The following SCTR variants were observed in gnomAD, a reference collection of about 807,000 sequenced individuals.
SCTR encodes the protein pancreatic secretin receptor.
Under a neutral mutation model 60.8 loss-of-function variants are expected in SCTR, and 56 were observed. The observed-to-expected ratio is 0.92, with a 90% CI of 0.74 to 1.15. The LOEUF (loss-of-function observed/expected upper bound fraction) is 1.15. SCTR is among the 50% of genes most tolerant of loss of function. The pLI, the probability that SCTR is intolerant of heterozygous loss-of-function variation, is 0.00. For synonymous variants in SCTR, 202 were observed against 217.0 expected (o/e 0.93, Z 0.61); for missense variants, 562 against 550.4 (o/e 1.02, Z -0.21).
At chr2:119,460,497 T>A (rs1362089785) in intron 7 of SCTR, among the ~76,000 whole-genome samples, 1 of 151,812 alleles carries the variant, frequency 6.6e-6, no homozygotes, top group Non-Finnish European at 1.5e-5. Context: ...AGGGTAAAAG[T>A]TAAAGGGCTT....
chr2:119,507,615 G>T (rs1358786111), intron 1 of SCTR, among the ~76,000 whole-genome samples: 3 of 150,722 alleles, frequency 2.0e-5, no homozygotes, highest in African/African-American at 7.3e-5. Flanking sequence ...TTTGCTATGG[G>T]TGTCATATAT....
intron 1 of SCTR, among the ~76,000 whole-genome samples, chr2:119,508,275 A>G (rs1187720964): frequency 6.6e-6 from 1 of 152,140 alleles, no homozygotes; most frequent in Non-Finnish European, 1.5e-5. Context: ...TGCTGGACTA[A>G]GAGGACTAAA....
At chr2:119,515,704 G>C (rs1232528289) in intron 1 of SCTR, among the ~76,000 whole-genome samples, 1 of 152,170 alleles carries the variant, frequency 6.6e-6, no homozygotes. Flanking sequence ...CAGGACTCTA[G>C]CTTCTGACTG....
intron 7 of SCTR, among the ~76,000 whole-genome samples, chr2:119,459,072 T>C (rs983540344): frequency 1.3e-5 from 2 of 152,220 alleles, no homozygotes; most frequent in African/African-American, 4.8e-5. Context: ...CACTCAGGAA[T>C]CCATATCCTG....
At chr2:119,449,489 T>C (rs1036874453) in intron 9 of SCTR, among the ~76,000 whole-genome samples, 1 of 152,148 alleles carries the variant, frequency 6.6e-6, no homozygotes, top group Non-Finnish European at 1.5e-5. Context: ...GTCAAACATG[T>C]ATGTGCCTAG....
chr2:119,520,608 C>T (rs1167354369), intron 1 of SCTR, among the ~76,000 whole-genome samples: 1 of 152,138 alleles, frequency 6.6e-6, no homozygotes, highest in East Asian at 1.9e-4. Context: ...CCACCATGTA[C>T]TGAAGGCTTC....
In SCTR at chr2:119,459,236, T is replaced by C. The variant is rs368727385; in HGVS notation, c.790+2611A>G. ...TCTATCTATGTGGTAGTTTAAAATG[T>C]TTATGAAAGATTTGACATAATACAG... is the stretch of plus-strand genomic sequence containing the variant. On this transcript the variant is annotated intron_variant, in intron 7 of 12. Coordinates refer to ENST00000019103, the MANE Select transcript of SCTR (RefSeq NM_002980.3). Among the ~76,000 whole-genome samples the C allele has an allele frequency of 8.1e-4, 123 of 152,296 alleles. 2 individuals carry two copies. The South Asian group carries it at 0.014, about 18-fold the overall frequency.
intron 2 of SCTR, among the ~76,000 whole-genome samples, chr2:119,484,328 T>A (rs1677767406): frequency 6.6e-6 from 1 of 152,054 alleles, no homozygotes; most frequent in African/African-American, 2.4e-5. Context: ...CCACCAATTG[T>A]CTGGCTGGAG....
At chr2:119,518,727 A>G (rs1679189363) in intron 1 of SCTR, among the ~76,000 whole-genome samples, 1 of 152,226 alleles carries the variant, frequency 6.6e-6, no homozygotes. Context: ...CAGCTTGCTA[A>G]GAGCAGGGAT....
At chr2:119,491,287 C>T (rs1168295812) in intron 2 of SCTR, among the ~76,000 whole-genome samples, 1 of 152,140 alleles carries the variant, frequency 6.6e-6, no homozygotes, top group Non-Finnish European at 1.5e-5. Context: ...GGATGAAAAT[C>T]CCCCAAGGGA....
At chr2:119,453,549 G>A (rs1683255159) in intron 7 of SCTR, among the ~76,000 whole-genome samples, 2 of 152,198 alleles carry the variant, frequency 1.3e-5, no homozygotes, top group African/African-American at 4.8e-5. Flanking sequence ...CATGCCCTGG[G>A]GACTATGGCA....
At chr2:119,474,252 A>T (rs1425369683) in intron 3 of SCTR, among the ~76,000 whole-genome samples, 1 of 152,154 alleles carries the variant, frequency 6.6e-6, no homozygotes, top group African/African-American at 2.4e-5. Context: ...TCTGCTTATC[A>T]AACGCGGGCT....
At chr2:119,510,332 C>T (rs1420289130) in intron 1 of SCTR, among the ~76,000 whole-genome samples, 1 of 152,000 alleles carries the variant, frequency 6.6e-6, no homozygotes, top group Non-Finnish European at 1.5e-5. Flanking sequence ...GTGTGGTGTC[C>T]ACCAGTGTCT....
chr2:119,511,345 A>G (rs1438701466), intron 1 of SCTR, among the ~76,000 whole-genome samples: 1 of 152,200 alleles, frequency 6.6e-6, no homozygotes. Flanking sequence ...CTCCTCATAT[A>G]TTACATATAC....
chr2:119,503,805 T>C (rs1052497890), intron 1 of SCTR, among the ~76,000 whole-genome samples: 11 of 152,190 alleles, frequency 7.2e-5, no homozygotes, highest in African/African-American at 2.4e-4. Flanking sequence ...TAGTTAGTAA[T>C]ATTGTATCAA....
intron 6 of SCTR, 130 bp from the exon 7 acceptor site, chr2:119,462,130 A>G: frequency 5.1e-6 from 4 of 785,052 alleles, no homozygotes; most frequent in Non-Finnish European, 1.9e-6. Flanking sequence ...TCTGGGGTTC[A>G]AGGCCATCTT....
rs1428593373 is a variant in SCTR at position 119,461,952 on chromosome 2, T to G, written c.685A>C (p.Asn229His). 3.1e-6 allele frequency: 5 copies of G among 1,613,896 alleles called. No individual in the cohort carries two copies. The South Asian group carries it at 5.5e-5, about 18-fold the overall frequency. ...CCTTCCACCAGCAGCCAGGAGTAGT[T>G]GGCCATGATGCAGTACTGGAACAGC... Reference protein sequence around the residue: ...MVLFQYCIMANYSWLLVEGLY... With the variant: ...MVLFQYCIMAHYSWLLVEGLY... Residue 229 changes from asparagine to histidine, a missense_variant, in exon 7 of 13, where the codon AAC becomes CAC. By Grantham distance (68) the Asn-to-His change is moderately conservative. Transcript: ENST00000019103.
intron 1 of SCTR, among the ~76,000 whole-genome samples, chr2:119,508,348 CT>C (rs1249181473): frequency 8.0e-6 from 1 of 125,716 alleles, no homozygotes; most frequent in Non-Finnish European, 1.8e-5. Context: ...TAAAAATTTT[CT>C]TTTTCTTTCT....
intron 1 of SCTR, among the ~76,000 whole-genome samples, chr2:119,520,633 T>A (rs1404380758): frequency 6.6e-6 from 1 of 152,168 alleles, no homozygotes; most frequent in African/African-American, 2.4e-5. Context: ...TGCCAGAGCC[T>A]GTACTTGGAA....
Sources: gnomAD v4.1 joint callset for allele counts (sites outside exome capture counted in the v4.1 genomes callset) on GRCh38, gnomAD v4.1.1 for gene constraint, MANE v1.5 for transcripts, NCBI Gene and HGNC (gene_info 2026-07-23, HGNC 2026-07-21) for gene names.